Variants in ACRBP observed in about 807,000 individuals in gnomAD.
ACRBP encodes acrosin-binding protein.
A neutral mutation model predicts 69.0 loss-of-function variants in ACRBP; 52 were observed. That is an observed-to-expected ratio of 0.75 (90% CI 0.60 to 0.95). The LOEUF (loss-of-function observed/expected upper bound fraction) is 0.95. Among genes scored for constraint, ACRBP ranks in the 40% least tolerant of loss-of-function variants. The pLI is 0.00. For synonymous variants in ACRBP, 267 were observed against 258.9 expected (o/e 1.03, Z -0.30); for missense variants, 604 against 673.0 (o/e 0.90, Z 1.13).
In ACRBP at chr12:6,643,552, C is replaced by G. The variant is rs779501607; in HGVS notation, c.1064G>C (p.Gly355Ala). ...AWKYMEEEILGFGKSVCDSLG... is the reference protein window; with the variant it reads ...AWKYMEEEILAFGKSVCDSLG... ...TGGCTGGCATACCGACTTCCCGAAA[C>G]CAAGGATCTCCTCCTCCATGTACTT... Residue 355 changes from glycine (G) to alanine (A), a missense_variant, in exon 6 of 10, where the codon GGT becomes GCT. By Grantham distance (60) the Gly-to-Ala change is moderately conservative. Around this residue, in one of 3 missense-constraint regions of ACRBP, gnomAD observed 532 missense variants for 562.9 expected, o/e 0.95. Transcript: ENST00000229243. 2 of 1,614,174 alleles carry G rather than the reference C, an allele frequency of 1.2e-6. No homozygotes were observed. Among genetic ancestry groups the G allele is most frequent in the South Asian group, 2.2e-5 (2 of 91,088 alleles).
intron 3 of ACRBP, 30 bp from the exon 4 acceptor site, chr12:6,645,367 C>G (rs374469627): frequency 1.3e-6 from 2 of 1,557,026 alleles, no homozygotes; most frequent in African/African-American, 2.7e-5. Context: ...ATGGGAAAGC[C>G]TTTCCTAAAG....
chr12:6,639,811 T>C (rs1949037757), intron 8 of ACRBP, among the ~76,000 whole-genome samples: 1 of 151,840 alleles, frequency 6.6e-6, no homozygotes, highest in Non-Finnish European at 1.5e-5. Context: ...ACTGGCAGAG[T>C]TGGGACCAGA....
chr12:6,639,060 G>A, intron 8 of ACRBP, 23 bp from the exon 9 acceptor site: 2 of 1,603,552 alleles, frequency 1.2e-6, no homozygotes, highest in Non-Finnish European at 8.5e-7. Context: ...CCAGAGAGAG[G>A]GAAGAGGGTA....
chr12:6,644,473 T>C lies in ACRBP; in HGVS notation c.608A>G (p.His203Arg), dbSNP rs778368526. Reference protein sequence around the residue: ...PEHKQEQGVEHRQEPTQEHKQ... With the variant: ...PEHKQEQGVERRQEPTQEHKQ... ...GTGTTCTTGTGTCGGCTCCTGCCTG[T>C]GCTCCACTCCTTGCTCCTGCTTGTG... The change falls in exon 5 of 10, where the codon CAC becomes CGC. Residue 203 changes from histidine to arginine, a missense_variant. By Grantham distance (29) the His-to-Arg change is conservative. Around this residue, in one of 3 missense-constraint regions of ACRBP, gnomAD observed 532 missense variants for 562.9 expected, o/e 0.95. Coordinates refer to ENST00000229243, the MANE Select transcript of ACRBP (RefSeq NM_032489.3). The C allele has an allele frequency of 6.2e-7, 1 of 1,614,090 alleles. No individual in the cohort carries two copies. The highest frequency in any genetic ancestry group is 8.5e-7 in the Non-Finnish European group (1 of 1,180,020).
intron 3 of ACRBP, among the ~76,000 whole-genome samples, chr12:6,645,656 TG>T (rs946889158): frequency 8.6e-5 from 2 of 23,150 alleles, no homozygotes; most frequent in South Asian, 8.4e-4. Context: ...GTTTTGGGTT[TG>T]TTTTTTTTGT....
At chr12:6,647,110 G>A in intron 1 of ACRBP, 98 bp from the exon 2 acceptor site, 4 of 1,216,250 alleles carry the variant, frequency 3.3e-6, no homozygotes, top group Non-Finnish European at 4.7e-6. Flanking sequence ...GGAACGGGGT[G>A]AGGGTTATCC....
chr12:6,643,502 A>G (rs776750088), intron 6 of ACRBP, 37 bp downstream of exon 6: 5 of 1,610,656 alleles, frequency 3.1e-6, no homozygotes, highest in Non-Finnish European at 4.2e-6. Context: ...GAGGATGCCC[A>G]GTGGCATGTA....
chr12:6,638,612 T>C (rs1949028516), intron 9 of ACRBP: 11 of 1,271,742 alleles, frequency 8.6e-6, no homozygotes, highest in Non-Finnish European at 1.2e-5. Flanking sequence ...AACAGGCGGC[T>C]GAGGCTCAGA....
Position 6,646,535 on chromosome 12 carries a change from G to C in ACRBP, c.305C>G (p.Ser102Cys). ...ACGGTAGTGAGTGAACTGGCAGAAAGACTCAAACCAGGAGGCATAAGGGAG... is the reference window on the plus strand; with the variant it reads ...ACGGTAGTGAGTGAACTGGCAGAAACACTCAAACCAGGAGGCATAAGGGAG... Reference protein sequence around the residue: ...SNLPYASWFESFCQFTHYRCS... With the variant: ...SNLPYASWFECFCQFTHYRCS... The change falls in exon 3 of 10, where the codon TCT becomes TGT. Residue 102 changes from serine (S) to cysteine (C), a missense_variant. Around this residue, in one of 3 missense-constraint regions of ACRBP, gnomAD observed 532 missense variants for 562.9 expected, o/e 0.95. Transcript: ENST00000229243. The C allele has an allele frequency of 6.2e-7, 1 of 1,614,118 alleles. No homozygotes were observed. The highest frequency in any genetic ancestry group is 8.5e-7 in the Non-Finnish European group (1 of 1,180,034).
chr12:6,640,504 G>A lies in ACRBP; in HGVS notation c.1096C>T (p.Arg366Trp), dbSNP rs761778569. ...AGGGCACAGGTAGACATGTGTCGCC[G>A]CCCAAGGCTGTCACAGACCTGGGGC... ...FGKSVCDSLG[R>W]RHMSTCALCD... Residue 366 changes from arginine (R) to tryptophan (W), a missense_variant, in exon 7 of 10, where the codon CGG (arginine) becomes TGG (tryptophan). Around this residue, in one of 3 missense-constraint regions of ACRBP, gnomAD observed 532 missense variants for 562.9 expected, o/e 0.95. Transcript: ENST00000229243. This position sits in a 1 kb window ranked among gnomAD's most constrained non-coding sequence, Gnocchi z 5.3. 30 of 1,613,582 alleles carry A rather than the reference G, an allele frequency of 1.9e-5. No individual in the cohort carries two copies. The Admixed American group carries it at 2.7e-4, about 14-fold the overall frequency.
rs1408384654 is a variant in ACRBP, at chr12:6,644,166, G to A, written c.915C>T (p.Asn305=). The change falls in exon 5 of 10, where the codon AAC becomes AAT. Residue 305 remains asparagine, a synonymous_variant. Transcript: ENST00000229243. The part of the protein sequence containing the change: ...IDEMNEIYDE[N]SYWRNQNPGS... ...CAGGGTTTTGGTTTCTCCAGTAGGA[G>A]TTCTCATCATATATTTCATTCATTT... 1 of 1,603,172 alleles carries A rather than the reference G, an allele frequency of 6.2e-7. No individual in the cohort carries two copies. Among genetic ancestry groups the A allele is most frequent in the Non-Finnish European group, 8.5e-7 (1 of 1,172,582 alleles).
In ACRBP at chr12:6,640,324, G is replaced by A. The variant is rs1247699336; in HGVS notation, c.1257+19C>T. ...CACCCAGTTCTGCCTTTCCCACTGC[G>A]GGCTGCCGGGCTAGATACCTGGTTG... On this transcript the variant is annotated intron_variant, in intron 7 of 9. Coordinates refer to ENST00000229243, the MANE Select transcript of ACRBP (RefSeq NM_032489.3). This position sits in a 1 kb window ranked among gnomAD's most constrained non-coding sequence, Gnocchi z 5.3. 15 of 1,613,656 alleles carry A rather than the reference G, an allele frequency of 9.3e-6. No homozygotes were observed. The highest frequency in any genetic ancestry group is 4.4e-5 in the South Asian group (4 of 91,056).
rs1017874129 is a variant in ACRBP at position 6,638,234 on chromosome 12, G to A, written c.*48C>T. The A allele has an allele frequency of 1.2e-6, 2 of 1,605,310 alleles. No individual in the cohort carries two copies. The highest frequency in any genetic ancestry group is 1.8e-4 in the Middle Eastern group (1 of 5,692). On this transcript the variant is annotated 3_prime_UTR_variant, in exon 10 of 10. Transcript: ENST00000229243. ...AAAGCAATGGGGTCTCAAAACAATA[G>A]AGAACGTGGGCAGGTTGGGCTGGGG...
At chr12:6,646,772 T>TC in intron 2 of ACRBP, 22 bp downstream of exon 2, 1 of 1,612,726 alleles carries the variant, frequency 6.2e-7, no homozygotes, top group Middle Eastern at 1.8e-4. Flanking sequence ...TGCCTCGGTT[T>TC]CCCCCCTAGT....
intron 6 of ACRBP, among the ~76,000 whole-genome samples, chr12:6,641,993 C>T (rs1200858439): frequency 6.6e-6 from 1 of 152,200 alleles, no homozygotes; most frequent in South Asian, 2.1e-4. Context: ...GGATTCACTT[C>T]TTTTATCTTC....
At chr12:6,644,069 G>C in intron 5 of ACRBP, 68 bp downstream of exon 5, 1 of 1,520,154 alleles carries the variant, frequency 6.6e-7, no homozygotes, top group South Asian at 1.3e-5. Context: ...CTAGGAAAAT[G>C]GGCTTCTCAC....
At position 6,644,220 on chromosome 12, in the gene ACRBP, C is replaced by G. The variant is rs1949072119; in HGVS notation, c.861G>C (p.Glu287Asp). The change falls in exon 5 of 10, where the codon GAG becomes GAC. Residue 287 changes from glutamate (E) to aspartate (D), a missense_variant. This residue lies in a region of ACRBP where 532 missense variants were observed against 562.9 expected (regional missense o/e 0.95). Transcript: ENST00000229243. ...CTATTTCCTGGGCTGATCGAATGAG[C>G]TCCTGGATGTTCTCCATTATCATAG... ...STPMIMENIQ[E>D]LIRSAQEIDE... 1 of 1,613,910 alleles carries G rather than the reference C, an allele frequency of 6.2e-7. No individual in the cohort carries two copies. The highest frequency in any genetic ancestry group is 1.3e-5 in the African/African-American group (1 of 75,016).
At chr12:6,643,750 C>G in intron 5 of ACRBP, 79 bp from the exon 6 acceptor site, 1 of 1,566,832 alleles carries the variant, frequency 6.4e-7, no homozygotes, top group Non-Finnish European at 8.7e-7. Context: ...TTCCCCTTCC[C>G]TTAGTGTCTG....
At chr12:6,638,546 A>T in intron 9 of ACRBP, 142 bp from the exon 10 acceptor site, 1 of 1,311,054 alleles carries the variant, frequency 7.6e-7, no homozygotes, top group Non-Finnish European at 1.1e-6. Context: ...GGAAACTCAA[A>T]TGTGGGTTTT....
Sources: allele counts gnomAD v4.1 joint callset (sites outside exome capture counted in the v4.1 genomes callset), GRCh38; gene constraint gnomAD v4.1.1; regional missense constraint gnomAD v4.1.1; non-coding constraint Gnocchi (gnomAD v3.1); transcripts MANE v1.5; gene names NCBI Gene and HGNC (gene_info 2026-07-23, HGNC 2026-07-21).